PCDHGC4: variants seen among roughly 807,000 people sequenced by gnomAD.
PCDHGC4 encodes protocadherin gamma subfamily C, 4.
Under a neutral mutation model 59.7 loss-of-function variants are expected in PCDHGC4, and 15 were observed. That is an observed-to-expected ratio of 0.25 (90% CI 0.17 to 0.39). PCDHGC4 has a LOEUF of 0.39. Among genes scored for constraint, PCDHGC4 ranks in the 10% least tolerant of loss-of-function variants. The pLI is 1.00. For synonymous variants in PCDHGC4, 434 were observed against 481.4 expected (o/e 0.90, Z 1.29); for missense variants, 1,016 against 1,189.5 (o/e 0.85, Z 2.15).
chr5:141,512,712 A>G lies in PCDHGC4; in HGVS notation c.*1539A>G, dbSNP rs1362654237. 1 of 152,806 alleles carries G rather than the reference A, an allele frequency of 6.5e-6. No homozygotes were observed. The highest frequency in any genetic ancestry group is 2.4e-5 in the African/African-American group (1 of 41,414). 9.5% of individuals were successfully genotyped at this position (152,806 alleles called of 1,614,324 possible). On this transcript the variant is annotated 3_prime_UTR_variant, in exon 4 of 4. Coordinates refer to ENST00000306593, the MANE Select transcript of PCDHGC4 (RefSeq NM_018928.3). Reference sequence around the variant, plus strand: ...GTGTAGTGCGGTGTGCTTTTACGTGATGGCGGGTGGGCAGCGGGCGGCGGG... The same window carrying G: ...GTGTAGTGCGGTGTGCTTTTACGTGGTGGCGGGTGGGCAGCGGGCGGCGGG...
Position 141,490,520 on chromosome 5 carries a change from G to A in PCDHGC4, c.2442+2905G>A. 1 of 1,614,072 alleles carries A rather than the reference G, an allele frequency of 6.2e-7. No individual in the cohort carries two copies. Among genetic ancestry groups the A allele is most frequent in the Non-Finnish European group, 8.5e-7 (1 of 1,180,014 alleles). ...CACTATATCATCGAGCTGCTGGCCAGCGATGCTGGTTCACCTTCCCTACAC... is the reference window on the plus strand; with the variant it reads ...CACTATATCATCGAGCTGCTGGCCAACGATGCTGGTTCACCTTCCCTACAC... On this transcript the variant is annotated intron_variant, in intron 1 of 3. Coordinates refer to ENST00000306593, the MANE Select transcript of PCDHGC4 (RefSeq NM_018928.3). The surrounding 1 kb of genome is among the most constrained non-coding windows in gnomAD (Gnocchi z 5.4).
At position 141,491,770 on chromosome 5, in the gene PCDHGC4, G is replaced by C. The variant is rs1230581925; in HGVS notation, c.2443-3037G>C. 1 of 1,560,888 alleles carries C rather than the reference G, an allele frequency of 6.4e-7. No individual in the cohort carries two copies. Among genetic ancestry groups the C allele is most frequent in the Non-Finnish European group, 8.7e-7 (1 of 1,154,942 alleles). On this transcript the variant is annotated intron_variant, in intron 1 of 3. Coordinates refer to ENST00000306593, the MANE Select transcript of PCDHGC4 (RefSeq NM_018928.3). This position sits in a 1 kb window ranked among gnomAD's most constrained non-coding sequence, Gnocchi z 6.9. ...TGGAGAAGCCGCCCGTCCTCATAAG[G>C]GATTGAACTTGCATCCACTCCTCTC...
rs754225999 is a variant in PCDHGC4, at chr5:141,489,509, T to C, written c.2442+1894T>C. The C allele has an allele frequency of 1.2e-6, 2 of 1,614,062 alleles. No homozygotes were observed. The highest frequency in any genetic ancestry group is 1.1e-5 in the South Asian group (1 of 91,074). On this transcript the variant is annotated intron_variant, in intron 1 of 3. Coordinates refer to ENST00000306593, the MANE Select transcript of PCDHGC4 (RefSeq NM_018928.3). The surrounding 1 kb of genome is among the most constrained non-coding windows in gnomAD (Gnocchi z 4.5). ...GGTGCCCTGGCAGTGAATCAAAAGA[T>C]TGACCGAGAAAGCCTATGTGGAGCC...
In PCDHGC4 at chr5:141,491,737, G is replaced by A; in HGVS notation, c.2443-3070G>A. The A allele has an allele frequency of 6.2e-7, 1 of 1,600,586 alleles. No homozygotes were observed. Among genetic ancestry groups the A allele is most frequent in the Non-Finnish European group, 8.5e-7 (1 of 1,174,266 alleles). On this transcript the variant is annotated intron_variant, in intron 1 of 3. Coordinates refer to ENST00000306593, the MANE Select transcript of PCDHGC4 (RefSeq NM_018928.3). This position sits in a 1 kb window ranked among gnomAD's most constrained non-coding sequence, Gnocchi z 6.9. ...GGCGCCGCCCCGGGCGACCCCTGGG[G>A]GCGGCACTGGAGAAGCCGCCCGTCC...
chr5:141,491,571 C>G lies in PCDHGC4; in HGVS notation c.2443-3236C>G. The G allele has an allele frequency of 6.2e-7, 1 of 1,614,026 alleles. No individual in the cohort carries two copies. The highest frequency in any genetic ancestry group is 8.5e-7 in the Non-Finnish European group (1 of 1,180,042). ...CGCAGAGCCACTGCTACAGGACGTG[C>G]TTTTCACCGGCCTCGGACGGCAGTG... On this transcript the variant is annotated intron_variant, in intron 1 of 3. Transcript: ENST00000306593. This position sits in a 1 kb window ranked among gnomAD's most constrained non-coding sequence, Gnocchi z 6.9.
chr5:141,496,164 C>A (rs745320704), intron 2 of PCDHGC4, among the ~76,000 whole-genome samples: 1 of 152,084 alleles, frequency 6.6e-6, no homozygotes, highest in East Asian at 1.9e-4. Flanking sequence ...CCACCAGACA[C>A]CCTCCCATCC....
Position 141,511,225 on chromosome 5 carries a change from C to A in PCDHGC4, c.*52C>A. ...GGCGGCCTCTCCCCAACCAGCCCAG[C>A]TTCTCCTTACCTGCACCCAGGCCTC... On this transcript the variant is annotated 3_prime_UTR_variant, in exon 4 of 4. Transcript: ENST00000306593. The A allele has an allele frequency of 6.2e-7, 1 of 1,601,624 alleles. No individual in the cohort carries two copies. Among genetic ancestry groups the A allele is most frequent in the Non-Finnish European group, 8.5e-7 (1 of 1,174,162 alleles).
rs1210429084 is a variant in PCDHGC4 at position 141,487,045 on chromosome 5, T to C, written c.1872T>C (p.Tyr624=). 2 of 1,614,088 alleles carry C rather than the reference T, an allele frequency of 1.2e-6. No individual in the cohort carries two copies. Among genetic ancestry groups the C allele is most frequent in the Non-Finnish European group, 1.7e-6 (2 of 1,180,036 alleles). Residue 624 remains tyrosine, a synonymous_variant, in exon 1 of 4, where the codon TAT becomes TAC. Coordinates refer to ENST00000306593, the MANE Select transcript of PCDHGC4 (RefSeq NM_018928.3). This position sits in a 1 kb window ranked among gnomAD's most constrained non-coding sequence, Gnocchi z 5.0. ...CCAGCCTGTTTGCAGTCTCTCGATA[T>C]GCTGGGGAGGTGCGGACGGCTGTTC... The part of the protein sequence containing the change: ...PDPSLFAVSR[Y]AGEVRTAVPI...
At position 141,485,144 on chromosome 5, in the gene PCDHGC4, G is replaced by A; in HGVS notation, c.-30G>A. 6.4e-7 allele frequency: 1 copy of A among 1,564,192 alleles called. No homozygotes were observed. The highest frequency in any genetic ancestry group is 1.7e-5 in the Admixed American group (1 of 59,326). On this transcript the variant is annotated 5_prime_UTR_variant, in exon 1 of 4. Transcript: ENST00000306593. This position sits in a 1 kb window ranked among gnomAD's most constrained non-coding sequence, Gnocchi z 5.7. ...CGGGTCGGCTTCATCCGCGTCTCAG[G>A]AGCAAGTAGAGAATTAGCGGGCGGC...
In PCDHGC4 at chr5:141,485,079, A is replaced by C; in HGVS notation, c.-95A>C. ...AACCGCGCCAGAGCTGGCGCGGGGA[A>C]AGGGAGATAGGTGTCTCCAGCTGCT... is the stretch of plus-strand genomic sequence containing the variant. On this transcript the variant is annotated 5_prime_UTR_variant, in exon 1 of 4. Transcript: ENST00000306593. This position sits in a 1 kb window ranked among gnomAD's most constrained non-coding sequence, Gnocchi z 5.7. 1 of 949,456 alleles carries C rather than the reference A, an allele frequency of 1.1e-6. No individual in the cohort carries two copies. The highest frequency in any genetic ancestry group is 1.6e-6 in the Non-Finnish European group (1 of 614,758). 58.8% of individuals were successfully genotyped at this position (949,456 alleles called of 1,614,324 possible).
In PCDHGC4 at chr5:141,493,521, G is replaced by A. The variant is rs967636266; in HGVS notation, c.2443-1286G>A. Among the ~76,000 whole-genome samples the A allele has an allele frequency of 3.9e-5, 6 of 152,242 alleles. No homozygotes were observed. In the East Asian group the frequency reaches 7.7e-4, roughly 20 times the overall value. The stretch of plus-strand genomic sequence containing the variant: ...CTCATTTCTGAGCAGTCCCCGCAGC[G>A]CAAACTTGGCCAGTTATCCTTTTGG... On this transcript the variant is annotated intron_variant, in intron 1 of 3. Coordinates refer to ENST00000306593, the MANE Select transcript of PCDHGC4 (RefSeq NM_018928.3). This position sits in a 1 kb window ranked among gnomAD's most constrained non-coding sequence, Gnocchi z 4.3.
chr5:141,510,795 G>T (rs994874330), intron 3 of PCDHGC4, 152 bp from the exon 4 acceptor site: 6 of 1,465,214 alleles, frequency 4.1e-6, no homozygotes. Flanking sequence ...CTTGTGAAGA[G>T]AGACTACCTT....
At chr5:141,507,380 C>G (rs984406173) in intron 3 of PCDHGC4, 1 of 151,954 alleles carries the variant, frequency 6.6e-6, no homozygotes, top group African/African-American at 2.4e-5. Flanking sequence ...CTTTTATTTA[C>G]TAAATCTGGC....
Position 141,485,875 on chromosome 5 carries a change from C to T in PCDHGC4, c.702C>T (p.Asp234=), listed in dbSNP as rs1254918181. The T allele has an allele frequency of 1.9e-6, 3 of 1,614,150 alleles. No homozygotes were observed. The highest frequency in any genetic ancestry group is 2.2e-5 in the East Asian group (1 of 44,862). Residue 234 remains aspartate (D), a synonymous_variant, in exon 1 of 4, where the codon GAC becomes GAT. Transcript: ENST00000306593. This position sits in a 1 kb window ranked among gnomAD's most constrained non-coding sequence, Gnocchi z 5.7. ...GTAELRVSVL[D]VNDNAPAFQQ... ...CAGAGCTCCGGGTATCCGTGCTGGACGTAAACGACAACGCCCCAGCCTTCC... is the reference window on the plus strand; with the variant it reads ...CAGAGCTCCGGGTATCCGTGCTGGATGTAAACGACAACGCCCCAGCCTTCC...
In PCDHGC4 at chr5:141,491,925, G is replaced by A. The variant is rs1019181943; in HGVS notation, c.2443-2882G>A. 5 of 1,325,176 alleles carry A rather than the reference G, an allele frequency of 3.8e-6. No homozygotes were observed. In the Admixed American group the frequency reaches 1.5e-4, roughly 39 times the overall value. 82.1% of individuals were successfully genotyped at this position (1,325,176 alleles called of 1,614,324 possible). A position where few individuals can be genotyped will look rare whatever the true frequency, so the allele number is the denominator to read the frequency against. On this transcript the variant is annotated intron_variant, in intron 1 of 3. Coordinates refer to ENST00000306593, the MANE Select transcript of PCDHGC4 (RefSeq NM_018928.3). The surrounding 1 kb of genome is among the most constrained non-coding windows in gnomAD (Gnocchi z 6.9). ...GGGTGGTGGCGACTGTGGGCGAGGG[G>A]AGGTGGGACCGACCCCCACCCCTAC...
rs2099883798 is a variant in PCDHGC4, at chr5:141,511,451, AT to A, written c.*281del. On this transcript the variant is annotated 3_prime_UTR_variant, in exon 4 of 4. Transcript: ENST00000306593. ...GGGGTTACTGTAGACACCAAGAACC[AT>A]TTGCCACACCCCGTTTAGTTACAGC... The A allele has an allele frequency of 3.3e-6, 2 of 606,372 alleles. No individual in the cohort carries two copies. Among genetic ancestry groups the A allele is most frequent in the African/African-American group, 1.9e-5 (1 of 53,734 alleles). 37.6% of individuals were successfully genotyped at this position (606,372 alleles called of 1,614,324 possible).
In PCDHGC4 at chr5:141,490,081, T is replaced by A; in HGVS notation, c.2442+2466T>A. Reference sequence around the variant, plus strand: ...CACCAACGGCCAACTAGACTATTCTTTTGGAGACCACACATCTGAGGCAGT... The same window carrying A: ...CACCAACGGCCAACTAGACTATTCTATTGGAGACCACACATCTGAGGCAGT... On this transcript the variant is annotated intron_variant, in intron 1 of 3. Coordinates refer to ENST00000306593, the MANE Select transcript of PCDHGC4 (RefSeq NM_018928.3). The surrounding 1 kb of genome is among the most constrained non-coding windows in gnomAD (Gnocchi z 5.4). 3 of 1,614,216 alleles carry A rather than the reference T, an allele frequency of 1.9e-6. No homozygotes were observed. Among genetic ancestry groups the A allele is most frequent in the Non-Finnish European group, 2.5e-6 (3 of 1,180,040 alleles).
At position 141,503,992 on chromosome 5, in the gene PCDHGC4, A is replaced by G. The variant is rs1419698681; in HGVS notation, c.2502-1401A>G. 2.6e-5 allele frequency among the ~76,000 whole-genome samples: 4 copies of G among 152,116 alleles called. No homozygotes were observed. In the East Asian group the frequency reaches 7.7e-4, roughly 29 times the overall value. ...GGTGCCAAACCCTTCTTCTTACCTTACAGTCACTTAACTGTCTCTGCTGGT... is the reference window on the plus strand; with the variant it reads ...GGTGCCAAACCCTTCTTCTTACCTTGCAGTCACTTAACTGTCTCTGCTGGT... On this transcript the variant is annotated intron_variant, in intron 2 of 3. Transcript: ENST00000306593.
chr5:141,500,461 G>A (rs1343646600), intron 2 of PCDHGC4, among the ~76,000 whole-genome samples: 1 of 151,910 alleles, frequency 6.6e-6, no homozygotes, highest in Non-Finnish European at 1.5e-5. Flanking sequence ...CGCCCGCCTC[G>A]GCCTCCCAAA....
Sources: allele counts gnomAD v4.1 joint callset (sites outside exome capture counted in the v4.1 genomes callset), GRCh38; gene constraint gnomAD v4.1.1; non-coding constraint Gnocchi (gnomAD v3.1); transcripts MANE v1.5; gene names NCBI Gene and HGNC (gene_info 2026-07-23, HGNC 2026-07-21).